Variants in BCL11B observed in about 807,000 individuals in gnomAD.
BCL11B encodes the protein BCL11 transcription factor B.
In BCL11B, 8 loss-of-function variants were observed where a neutral mutation model predicts 49.9. The observed-to-expected ratio is 0.16, with a 90% confidence interval of 0.09 to 0.29. The LOEUF (loss-of-function observed/expected upper bound fraction) is 0.29, where lower values mean the gene tolerates loss of function less well. Ranked by LOEUF, BCL11B falls within the 10% of genes least tolerant of loss-of-function variation. The pLI is 1.00. For synonymous variants in BCL11B, 739 were observed against 637.4 expected, an observed-to-expected ratio of 1.16 and a Z score of -2.40; for missense variants, 1,006 against 1,351.0, an observed-to-expected ratio of 0.74 and a Z score of 4.00.
At position 99,174,881 on chromosome 14, in the gene BCL11B, T is replaced by C; in HGVS notation, c.1955A>G (p.Asn652Ser). 6 of 1,119,164 alleles carry C rather than the reference T, an allele frequency of 5.4e-6. No individual in the cohort carries two copies. Among genetic ancestry groups the C allele is most frequent in the Non-Finnish European group, 6.5e-6 (6 of 916,696 alleles). The allele number at this position is 1,119,164 out of a possible 1,614,324, so 69.3% of individuals were successfully genotyped here. A position where few individuals can be genotyped will look rare whatever the true frequency, so the allele number is the denominator to read the frequency against. The change falls in exon 4 of 4, where the codon AAC becomes AGC. Residue 652 changes from asparagine (N) to serine (S), a missense_variant. By Grantham distance (46) the Asn-to-Ser change is conservative. This residue lies in a region of BCL11B where 443 missense variants were observed against 499.7 expected (regional missense o/e 0.89). Transcript: ENST00000357195. ...TGGCGCGAAGCCGCCCCCGCGCCCG[T>C]TGACCGCGCCGCCCGCGCCCGCGTC... ...CGDAGAGGAVNGRGGGFAPGT... is the reference protein window; with the variant it reads ...CGDAGAGGAVSGRGGGFAPGT...
intron 3 of BCL11B, among the ~76,000 whole-genome samples, chr14:99,200,108 CTT>C (rs200318406): frequency 6.8e-6 from 1 of 146,664 alleles, no homozygotes; most frequent in East Asian, 2.0e-4. Flanking sequence ...GGACTCTCGT[CTT>C]TTTTTTTTTT....
At chr14:99,255,788 G>GTGAAGAGACGC (rs1302187428) in intron 2 of BCL11B, among the ~76,000 whole-genome samples, 1 of 152,232 alleles carries the variant, frequency 6.6e-6, no homozygotes, top group African/African-American at 2.4e-5. Flanking sequence ...GCTCAGCCCG[G>GTGAAGAGACGC]TGAAGAGACG....
At chr14:99,178,060 G>A (rs1016541934) in intron 3 of BCL11B, among the ~76,000 whole-genome samples, 5 of 152,110 alleles carry the variant, frequency 3.3e-5, no homozygotes, top group Admixed American at 3.3e-4. Flanking sequence ...TGCCTGCAGC[G>A]TCACAGAAGG....
At chr14:99,259,759 T>C (rs1163236723) in intron 1 of BCL11B, among the ~76,000 whole-genome samples, 2 of 152,182 alleles carry the variant, frequency 1.3e-5, no homozygotes, top group African/African-American at 4.8e-5. Flanking sequence ...TACTTAAAAA[T>C]GGGTTTGAAG....
In BCL11B at chr14:99,184,852, T is replaced by C. The variant is rs940392405; in HGVS notation, c.641-8657A>G. Among the ~76,000 whole-genome samples, 5 of 152,164 alleles carry C rather than the reference T, an allele frequency of 3.3e-5. No homozygotes were observed. The highest frequency in any genetic ancestry group is 1.2e-4 in the African/African-American group (5 of 41,442). On this transcript the variant is annotated intron_variant, in intron 3 of 3. Transcript: ENST00000357195. This position sits in a 1 kb window ranked among gnomAD's most constrained non-coding sequence, Gnocchi z 6.1. Reference sequence around the variant, plus strand: ...TTGGGTGACCGTCCACTTACCCTCATGGGACCCCTGCAGCAGAGGTGAGCT... The same window carrying C: ...TTGGGTGACCGTCCACTTACCCTCACGGGACCCCTGCAGCAGAGGTGAGCT...
chr14:99,253,234 G>T (rs1235885107), intron 2 of BCL11B, among the ~76,000 whole-genome samples: 1 of 152,194 alleles, frequency 6.6e-6, no homozygotes, highest in Non-Finnish European at 1.5e-5. Flanking sequence ...GAAACCCCCC[G>T]CCGGCTCCTC....
At chr14:99,201,204 G>T (rs1887372414) in intron 3 of BCL11B, among the ~76,000 whole-genome samples, 1 of 152,202 alleles carries the variant, frequency 6.6e-6, no homozygotes, top group South Asian at 2.1e-4. Context: ...TCTCACCCTG[G>T]AAGCAAAACC....
intron 3 of BCL11B, among the ~76,000 whole-genome samples, chr14:99,200,897 A>G (rs895284415): frequency 6.6e-6 from 1 of 152,248 alleles, no homozygotes; most frequent in African/African-American, 2.4e-5. Flanking sequence ...ACTGCATGGG[A>G]AGCAGCCCCC....
intron 2 of BCL11B, among the ~76,000 whole-genome samples, chr14:99,246,043 C>T (rs1021071888): frequency 2.0e-5 from 3 of 152,148 alleles, no homozygotes; most frequent in Admixed American, 6.5e-5. Flanking sequence ...GGTCCCGAGG[C>T]GGCTCCGATT....
chr14:99,256,227 G>T (rs1201810301), intron 2 of BCL11B, among the ~76,000 whole-genome samples: 3 of 152,146 alleles, frequency 2.0e-5, no homozygotes, highest in African/African-American at 7.2e-5. Context: ...CTTCCATGAT[G>T]GAAGCATGGT....
chr14:99,174,836 C>T lies in BCL11B; in HGVS notation c.2000G>A (p.Gly667Glu). 3.8e-6 allele frequency: 5 copies of T among 1,329,232 alleles called. No homozygotes were observed. Among genetic ancestry groups the T allele is most frequent in the Non-Finnish European group, 4.8e-6 (5 of 1,040,168 alleles). The allele number at this position is 1,329,232 out of a possible 1,614,324, so 82.3% of individuals were successfully genotyped here. ...CGGCGCGGGCTTGCGCGGGAAGAGC[C>T]CGGGGAAGGGCTCGGTGCCTGGCGC... ...GFAPGTEPFP[G>E]LFPRKPAPLP... is the part of the protein sequence containing the mutation. Residue 667 changes from glycine (G) to glutamate (E), a missense_variant, in exon 4 of 4, where the codon GGG (glycine) becomes GAG (glutamate). Coordinates refer to ENST00000357195, the MANE Select transcript of BCL11B (RefSeq NM_138576.4).
chr14:99,201,380 G>C (rs1383061437), intron 3 of BCL11B, among the ~76,000 whole-genome samples: 1 of 152,174 alleles, frequency 6.6e-6, no homozygotes, highest in African/African-American at 2.4e-5. Context: ...TCTAGAGCCT[G>C]ATGAAGGCCT....
intron 3 of BCL11B, among the ~76,000 whole-genome samples, chr14:99,187,798 G>T (rs1886900042): frequency 1.5e-5 from 1 of 68,026 alleles, no homozygotes; most frequent in South Asian, 5.9e-4. Flanking sequence ...TCCTCCTGGA[G>T]ACAGGAAGTC....
In BCL11B at chr14:99,174,811, C is replaced by A; in HGVS notation, c.2025G>T (p.Pro675=). The A allele has an allele frequency of 4.2e-6, 6 of 1,411,970 alleles. No homozygotes were observed. Among genetic ancestry groups the A allele is most frequent in the Non-Finnish European group, 5.5e-6 (6 of 1,083,628 alleles). The allele number at this position is 1,411,970 out of a possible 1,614,324, so 87.5% of individuals were successfully genotyped here. A position where few individuals can be genotyped will look rare whatever the true frequency, so the allele number is the denominator to read the frequency against. The change falls in exon 4 of 4, where the codon CCG becomes CCT. Residue 675 remains proline (P), a synonymous_variant. Coordinates refer to ENST00000357195, the MANE Select transcript of BCL11B (RefSeq NM_138576.4). ...FPGLFPRKPA[P]LPSPGLNSAA... ...CGCTGTTGAGCCCGGGGCTGGGCAG[C>A]GGCGCGGGCTTGCGCGGGAAGAGCC...
Position 99,271,723 on chromosome 14 carries a change from G to T in BCL11B, c.-505C>A, listed in dbSNP as rs1474373900. ...GTAGGTGGAAAGCGCACTTCTACCA[G>T]GAGGGGAAAAAAAATGCAAACAAAT... is the stretch of plus-strand genomic sequence containing the variant. On this transcript the variant is annotated 5_prime_UTR_variant, in exon 1 of 4. In the 5' UTR this introduces an upstream ATG that the reference lacks. Coordinates refer to ENST00000357195, the MANE Select transcript of BCL11B (RefSeq NM_138576.4). 6.6e-6 allele frequency among the ~76,000 whole-genome samples: 1 copy of T among 150,874 alleles called. No homozygotes were observed. The highest frequency in any genetic ancestry group is 1.5e-5 in the Non-Finnish European group (1 of 67,872).
In BCL11B at chr14:99,175,957, G is replaced by A; in HGVS notation, c.879C>T (p.Arg293=). The A allele has an allele frequency of 6.8e-7, 1 of 1,472,976 alleles. No homozygotes were observed. The highest frequency in any genetic ancestry group is 9.0e-7 in the Non-Finnish European group (1 of 1,112,312). 91.2% of individuals were successfully genotyped at this position (1,472,976 alleles called of 1,614,324 possible). A position where few individuals can be genotyped will look rare whatever the true frequency, so the allele number is the denominator to read the frequency against. ...LGDSNPFNLL[R]MTGPILRDHP... is the part of the protein sequence containing the mutation. ...GGTCCCGCAGGATGGGGCCCGTCAT[G>A]CGCAGCAGGTTGAAGGGGTTGCTGT... is the stretch of plus-strand genomic sequence containing the variant. Residue 293 remains arginine, a synonymous_variant, in exon 4 of 4, where the codon CGC becomes CGT. Coordinates refer to ENST00000357195, the MANE Select transcript of BCL11B (RefSeq NM_138576.4).
chr14:99,236,168 G>C (rs1888491435), intron 2 of BCL11B, among the ~76,000 whole-genome samples: 1 of 152,176 alleles, frequency 6.6e-6, no homozygotes, highest in East Asian at 1.9e-4. Context: ...AGATTTGAGA[G>C]GCGAACGTAC....
chr14:99,194,160 C>T lies in BCL11B; in HGVS notation c.641-17965G>A, dbSNP rs997463227. 6.6e-6 allele frequency among the ~76,000 whole-genome samples: 1 copy of T among 152,208 alleles called. No homozygotes were observed. The highest frequency in any genetic ancestry group is 1.5e-5 in the Non-Finnish European group (1 of 68,042). ...AAACATGATGGAGAAGACGAAATAT[C>T]AGGAAGCTCAGGGCAGGTGACAGGG... On this transcript the variant is annotated intron_variant, in intron 3 of 3. Coordinates refer to ENST00000357195, the MANE Select transcript of BCL11B (RefSeq NM_138576.4). This position sits in a 1 kb window ranked among gnomAD's most constrained non-coding sequence, Gnocchi z 4.6.
chr14:99,238,638 A>AG (rs1402112974), intron 2 of BCL11B, among the ~76,000 whole-genome samples: 1 of 151,864 alleles, frequency 6.6e-6, no homozygotes, highest in African/African-American at 2.4e-5. Flanking sequence ...TGCAGGGGGT[A>AG]GGGGGGCGCA....
Sources: gnomAD v4.1 joint callset for allele counts (sites outside exome capture counted in the v4.1 genomes callset) on GRCh38, gnomAD v4.1.1 for gene constraint, gnomAD v4.1.1 regional missense constraint, Gnocchi (gnomAD v3.1) non-coding constraint, MANE v1.5 for transcripts, NCBI Gene and HGNC (gene_info 2026-07-23, HGNC 2026-07-21) for gene names.